Variants in PRICKLE2 observed in about 807,000 individuals in gnomAD.
PRICKLE2 encodes the protein prickle planar cell polarity protein 2.
PRICKLE2 carries 21 observed loss-of-function variants against 81.4 expected under a neutral mutation model. That is an observed-to-expected ratio of 0.26 (90% CI 0.18 to 0.37). The LOEUF (loss-of-function observed/expected upper bound fraction) is 0.37, where lower values mean the gene tolerates loss of function less well. Among genes scored for constraint, PRICKLE2 ranks in the 10% least tolerant of loss-of-function variants. The pLI, the probability that PRICKLE2 is intolerant of heterozygous loss-of-function variation, is 1.00. For missense variants in PRICKLE2, 940 were observed against 1,109.0 expected, an observed-to-expected ratio of 0.85 and a Z score of 2.16; for synonymous variants, 456 against 421.5, an observed-to-expected ratio of 1.08 and a Z score of -1.00.
intron 7 of PRICKLE2, among the ~76,000 whole-genome samples, chr3:64,120,111 T>C (rs1348026506): frequency 6.6e-6 from 1 of 152,116 alleles, no homozygotes; most frequent in African/African-American, 2.4e-5. Context: ...GGTACTATGC[T>C]CAGTACCTGG....
At chr3:64,189,103 T>C (rs1244942330) in intron 2 of PRICKLE2, among the ~76,000 whole-genome samples, 1 of 152,204 alleles carries the variant, frequency 6.6e-6, no homozygotes, top group African/African-American at 2.4e-5. Flanking sequence ...AAATATTTGC[T>C]GAATGAATGT....
At chr3:64,258,885 G>GA (rs1406038731) in intron 2 of PRICKLE2, among the ~76,000 whole-genome samples, 1 of 142,428 alleles carries the variant, frequency 7.0e-6, no homozygotes, top group South Asian at 2.2e-4. Flanking sequence ...AAGAAAGAAA[G>GA]AAAGAAAGAA....
At chr3:64,131,405 C>G (rs1422222281) in intron 7 of PRICKLE2, among the ~76,000 whole-genome samples, 1 of 152,206 alleles carries the variant, frequency 6.6e-6, no homozygotes. Flanking sequence ...TAAGGACCAA[C>G]AGAAATATCC....
intron 2 of PRICKLE2, among the ~76,000 whole-genome samples, chr3:64,165,379 G>A (rs1436109883): frequency 6.6e-6 from 1 of 152,120 alleles, no homozygotes; most frequent in African/African-American, 2.4e-5. Context: ...CAAGTTATGT[G>A]GCTGTTCAAA....
chr3:64,163,351 C>A, intron 2 of PRICKLE2: 1 of 588,224 alleles, frequency 1.7e-6, no homozygotes, highest in Non-Finnish European at 3.0e-6. Context: ...TTCCCTCTCT[C>A]TGTGAGGGAA....
At chr3:64,124,745 C>A (rs2077081796) in intron 7 of PRICKLE2, among the ~76,000 whole-genome samples, 1 of 152,114 alleles carries the variant, frequency 6.6e-6, no homozygotes, top group South Asian at 2.1e-4. Flanking sequence ...ACCTACTGTT[C>A]AGAAGAAAAA....
chr3:64,103,967 G>A (rs889563458), intron 7 of PRICKLE2, among the ~76,000 whole-genome samples: 11 of 152,100 alleles, frequency 7.2e-5, no homozygotes, highest in Admixed American at 3.3e-4. Context: ...GCAACAGAGC[G>A]AGCCCCTGTC....
chr3:64,249,764 G>T (rs1238111560), intron 2 of PRICKLE2, among the ~76,000 whole-genome samples: 1 of 152,200 alleles, frequency 6.6e-6, no homozygotes, highest in Non-Finnish European at 1.5e-5. Context: ...GTTCAAGTAT[G>T]TTCCTATCTT....
In PRICKLE2 at chr3:64,105,003, G is replaced by A. The variant is rs371314886; in HGVS notation, c.1661-5078C>T. 9.9e-5 allele frequency among the ~76,000 whole-genome samples: 15 copies of A among 152,206 alleles called. 1 individual carries two copies. The South Asian group carries it at 2.7e-3, about 27-fold the overall frequency. ...CAGACCTTAAGGCCCTACGTGACTTGGCTCTCTTCTCTTTCTCCAAGATAA... is the reference window on the plus strand; with the variant it reads ...CAGACCTTAAGGCCCTACGTGACTTAGCTCTCTTCTCTTTCTCCAAGATAA... On this transcript the variant is annotated intron_variant, in intron 7 of 7. Coordinates refer to ENST00000638394, the MANE Select transcript of PRICKLE2 (RefSeq NM_198859.4).
At chr3:64,149,782 A>G (rs895176378) in intron 6 of PRICKLE2, among the ~76,000 whole-genome samples, 1 of 152,168 alleles carries the variant, frequency 6.6e-6, no homozygotes, top group Non-Finnish European at 1.5e-5. Flanking sequence ...AATGGAGCCC[A>G]GGGAGAGAGG....
intron 2 of PRICKLE2, among the ~76,000 whole-genome samples, chr3:64,237,795 T>G (rs2079204448): frequency 6.6e-6 from 1 of 152,136 alleles, no homozygotes; most frequent in East Asian, 1.9e-4. Context: ...GCCATGAAGG[T>G]AAATTCTGTG....
At chr3:64,143,360 T>C (rs913662735) in intron 7 of PRICKLE2, among the ~76,000 whole-genome samples, 5 of 152,144 alleles carry the variant, frequency 3.3e-5, no homozygotes, top group African/African-American at 1.2e-4. Flanking sequence ...TGGCCAGGGT[T>C]GCTTCCCAAA....
upstream of PRICKLE2, chr3:64,225,560 T>C (rs1392817102): frequency 1.9e-6 from 1 of 540,478 alleles, no homozygotes; most frequent in Non-Finnish European, 2.4e-6. Flanking sequence ...CTGAGATTTA[T>C]TTACATGTAA....
At chr3:64,249,122 A>C (rs566816372) in intron 2 of PRICKLE2, among the ~76,000 whole-genome samples, 1 of 152,340 alleles carries the variant, frequency 6.6e-6, no homozygotes, top group African/African-American at 2.4e-5. Context: ...AAAGAGGTTT[A>C]ATTGGCTCTT....
intron 2 of PRICKLE2, among the ~76,000 whole-genome samples, chr3:64,196,767 C>T (rs1041398962): frequency 2.0e-5 from 3 of 152,036 alleles, no homozygotes; most frequent in Non-Finnish European, 2.9e-5. Context: ...GAAGGTAACA[C>T]AAAAGAATAA....
At chr3:64,114,963 A>G (rs1365564934) in intron 7 of PRICKLE2, among the ~76,000 whole-genome samples, 1 of 152,220 alleles carries the variant, frequency 6.6e-6, no homozygotes, top group Non-Finnish European at 1.5e-5. Context: ...AGATCAGGTC[A>G]TCTACAAAAG....
intron 2 of PRICKLE2, among the ~76,000 whole-genome samples, chr3:64,179,642 T>C (rs1433792465): frequency 2.0e-5 from 3 of 152,158 alleles, no homozygotes; most frequent in African/African-American, 7.2e-5. Context: ...TGCCTGTTAA[T>C]GACCACGAGA....
chr3:64,193,034 T>C (rs697279), intron 2 of PRICKLE2, among the ~76,000 whole-genome samples: 55,969 of 152,040 alleles, frequency 0.37, 11,445 homozygotes, highest in East Asian at 0.7. Context: ...CCAGTTATGA[T>C]CTTCCTGGAG....
At chr3:64,137,198 G>A (rs1221520365) in intron 7 of PRICKLE2, among the ~76,000 whole-genome samples, 1 of 151,852 alleles carries the variant, frequency 6.6e-6, no homozygotes, top group African/African-American at 2.4e-5. Context: ...AAACTAAATG[G>A]CTTGAGTTTT....
Sources: allele counts gnomAD v4.1 joint callset (sites outside exome capture counted in the v4.1 genomes callset), GRCh38; gene constraint gnomAD v4.1.1; transcripts MANE v1.5; gene names NCBI Gene and HGNC (gene_info 2026-07-23, HGNC 2026-07-21).